The following GLRA1 variants were observed in gnomAD, a reference collection of about 807,000 sequenced individuals.
GLRA1 encodes glycine receptor alpha 1.
Under a neutral mutation model 48.3 loss-of-function variants are expected in GLRA1, and 37 were observed. That is an observed-to-expected ratio of 0.77 (90% CI 0.59 to 1.01). The LOEUF is 1.01. GLRA1 is among the 50% of genes least tolerant of loss of function. GLRA1 has a pLI of 0.00. For synonymous variants in GLRA1, 196 were observed against 210.7 expected (o/e 0.93, Z 0.60); for missense variants, 427 against 571.0 (o/e 0.75, Z 2.57).
At chr5:151,834,236 C>A (rs1279980634) in intron 7 of GLRA1, among the ~76,000 whole-genome samples, 3 of 152,136 alleles carry the variant, frequency 2.0e-5, no homozygotes, top group Non-Finnish European at 4.4e-5. Flanking sequence ...TAAAACATTC[C>A]TCAGCAAATG....
chr5:151,923,605 CT>C (rs1415507316), intron 1 of GLRA1, among the ~76,000 whole-genome samples: 1 of 152,174 alleles, frequency 6.6e-6, no homozygotes, highest in Non-Finnish European at 1.5e-5. Context: ...TATTTCAATG[CT>C]TCTTAAAGAG....
At chr5:151,855,224 G>C (rs375628078) in intron 5 of GLRA1, 47 bp from the exon 6 acceptor site, 1 of 1,594,576 alleles carries the variant, frequency 6.3e-7, no homozygotes, top group Non-Finnish European at 8.6e-7. Flanking sequence ...AGAAGCACTT[G>C]TTTGAAGCAT....
intron 4 of GLRA1, among the ~76,000 whole-genome samples, chr5:151,856,785 G>A (rs531851359): frequency 6.6e-6 from 1 of 152,208 alleles, no homozygotes; most frequent in East Asian, 1.9e-4. Flanking sequence ...GTCTCCAAAA[G>A]TGCTGGGATT....
intron 7 of GLRA1, among the ~76,000 whole-genome samples, chr5:151,843,208 A>C (rs1020552939): frequency 8.6e-5 from 13 of 152,028 alleles, no homozygotes; most frequent in Admixed American, 3.3e-4. Context: ...TTCTTTATTA[A>C]AACTCCAGCT....
At chr5:151,891,965 C>T (rs773141650) in intron 2 of GLRA1, among the ~76,000 whole-genome samples, 1 of 152,178 alleles carries the variant, frequency 6.6e-6, no homozygotes. Context: ...GGGAGAGACT[C>T]ATCATCTAAG....
At chr5:151,911,996 T>C (rs2113453724) in intron 1 of GLRA1, among the ~76,000 whole-genome samples, 1 of 152,334 alleles carries the variant, frequency 6.6e-6, no homozygotes, top group South Asian at 2.1e-4. Flanking sequence ...CTGTAGTCTT[T>C]ACATAGTTCT....
chr5:151,847,725 CA>C (rs769363716), intron 7 of GLRA1, among the ~76,000 whole-genome samples: 1,685 of 87,586 alleles, frequency 0.019, 18 homozygotes, highest in African/African-American at 0.053. Context: ...GACTTCGTCT[CA>C]AAAAAAAAAA....
chr5:151,866,547 A>T (rs1219516434), intron 3 of GLRA1, among the ~76,000 whole-genome samples: 1 of 152,192 alleles, frequency 6.6e-6, no homozygotes, highest in Non-Finnish European at 1.5e-5. Flanking sequence ...AGTCAGAACC[A>T]AGAGACATTG....
chr5:151,824,084 C>T (rs555871020), intron 8 of GLRA1, among the ~76,000 whole-genome samples: 66 of 151,260 alleles, frequency 4.4e-4, no homozygotes, highest in Non-Finnish European at 6.9e-4. Context: ...ACCGGGCCAA[C>T]AGAGAAAAAC....
intron 7 of GLRA1, among the ~76,000 whole-genome samples, chr5:151,831,468 G>A (rs1763423346): frequency 6.6e-6 from 1 of 152,160 alleles, no homozygotes; most frequent in African/African-American, 2.4e-5. Context: ...GTGGGGGGAG[G>A]AGTGTCCACC....
In GLRA1 at chr5:151,829,073, G is replaced by GT; in HGVS notation, c.913-7dup. On this transcript the variant is annotated splice_region_variant and splice_polypyrimidine_tract_variant and intron_variant, in intron 7 of 8. Coordinates refer to ENST00000274576, the MANE Select transcript of GLRA1 (RefSeq NM_000171.4). The stretch of plus-strand genomic sequence containing the variant: ...ATGGCTTTCACATAGGACACCTAGA[G>GT]TGGGGGTGGAGGAGAAACAGGGAGG... 1 of 1,613,626 alleles carries GT rather than the reference G, an allele frequency of 6.2e-7. No homozygotes were observed. Among genetic ancestry groups the GT allele is most frequent in the Non-Finnish European group, 8.5e-7 (1 of 1,179,794 alleles).
At chr5:151,896,380 G>A (rs1325015447) in intron 1 of GLRA1, among the ~76,000 whole-genome samples, 3 of 152,220 alleles carry the variant, frequency 2.0e-5, no homozygotes, top group Admixed American at 6.5e-5. Context: ...ATGCTACAAC[G>A]TAAGGGAAAG....
chr5:151,839,039 A>T (rs1763645297), intron 7 of GLRA1, among the ~76,000 whole-genome samples: 1 of 152,254 alleles, frequency 6.6e-6, no homozygotes, highest in Non-Finnish European at 1.5e-5. Context: ...TGTACAAGGG[A>T]TTCTTGATAA....
chr5:151,905,712 C>T (rs1034960908), intron 1 of GLRA1, among the ~76,000 whole-genome samples: 4 of 152,196 alleles, frequency 2.6e-5, no homozygotes, highest in Middle Eastern at 3.4e-3. Flanking sequence ...AGGCAGTGTG[C>T]TAGGGGCAAG....
intron 7 of GLRA1, chr5:151,850,726 A>T: frequency 9.2e-7 from 1 of 1,084,638 alleles, no homozygotes; most frequent in Middle Eastern, 2.0e-4. Context: ...CTTTTCGGTG[A>T]CAGAAGCCCT....
intron 3 of GLRA1, among the ~76,000 whole-genome samples, chr5:151,871,374 G>A (rs954752892): frequency 4.7e-5 from 7 of 149,180 alleles, no homozygotes; most frequent in Non-Finnish European, 8.8e-5. Context: ...CAAAATATCT[G>A]TGAATAAACC....
chr5:151,851,880 T>G (rs1250081552), intron 6 of GLRA1, among the ~76,000 whole-genome samples: 2 of 152,192 alleles, frequency 1.3e-5, no homozygotes, highest in Non-Finnish European at 2.9e-5. Flanking sequence ...TTGTAAATGT[T>G]CAGAATTGTC....
At chr5:151,893,284 CTTTCTT>C (rs1754133318) in intron 1 of GLRA1, among the ~76,000 whole-genome samples, 4 of 25,566 alleles carry the variant, frequency 1.6e-4, no homozygotes, top group Middle Eastern at 0.013. Flanking sequence ...CTCTGCCCAA[CTTTCTT>C]TCTTTCTTTC....
At chr5:151,842,057 A>T (rs965324086) in intron 7 of GLRA1, among the ~76,000 whole-genome samples, 3 of 41,350 alleles carry the variant, frequency 7.3e-5, no homozygotes, top group Admixed American at 2.0e-4. Flanking sequence ...AACTCCATCT[A>T]AAAAAAAAAA....
Sources: gnomAD v4.1 joint callset for allele counts (sites outside exome capture counted in the v4.1 genomes callset) on GRCh38, gnomAD v4.1.1 for gene constraint, MANE v1.5 for transcripts, NCBI Gene and HGNC (gene_info 2026-07-23, HGNC 2026-07-21) for gene names.